The following DCTN3 variants were observed in gnomAD, a reference collection of about 807,000 sequenced individuals.
DCTN3 encodes the protein dynactin subunit 3.
In DCTN3, 25 loss-of-function variants were observed where a neutral mutation model predicts 28.4. That is an observed-to-expected ratio of 0.88 (90% CI 0.64 to 1.23). DCTN3 has a LOEUF of 1.23. DCTN3 is among the 50% of genes most tolerant of loss of function. DCTN3 has a pLI of 0.00. For missense variants in DCTN3, 229 were observed against 232.0 expected (o/e 0.99, Z 0.08); for synonymous variants, 81 against 91.4 (o/e 0.89, Z 0.65).
chr9:34,613,952 A>C, intron 6 of DCTN3, 81 bp from the exon 7 acceptor site: 3 of 1,612,386 alleles, frequency 1.9e-6, no homozygotes, highest in Non-Finnish European at 2.5e-6. Context: ...ATAGGTGGGT[A>C]GGATAGGATG....
Position 34,616,411 on chromosome 9 carries a change from GA to G in DCTN3, c.269-299del, listed in dbSNP as rs1820425609. 3.8e-6 allele frequency: 1 copy of G among 264,646 alleles called. No individual in the cohort carries two copies. The highest frequency in any genetic ancestry group is 2.2e-5 in the African/African-American group (1 of 44,782). The allele number at this position is 264,646 out of a possible 1,614,324, so 16.4% of individuals were successfully genotyped here. A position where few individuals can be genotyped will look rare whatever the true frequency, so the allele number is the denominator to read the frequency against. The stretch of plus-strand genomic sequence containing the variant: ...CTAGCCTCCTATCAACAAACTCAGG[GA>G]GCACCTCCTAGGCCACAAAATACAA... On this transcript the variant is annotated intron_variant, in intron 3 of 6. Transcript: ENST00000259632. This position sits in a 1 kb window ranked among gnomAD's most constrained non-coding sequence, Gnocchi z 4.7.
In DCTN3 at chr9:34,616,093, G is replaced by A; in HGVS notation, c.289C>T (p.Gln97Ter). ...ILAEEQFILSQVALLEQVNAL... is the reference protein window; with the variant it reads ...ILAEEQFILS ...TTCACCTGCTCCAGGAGTGCAACCT[G>A]GGAAAGGATAAACTGCTCCTCTAAA... Residue 97 changes from glutamine (Q) to a stop codon, truncating the protein, a stop_gained, in exon 4 of 7, where the codon CAG (glutamine) becomes TAG (stop). Transcript: ENST00000259632. LOFTEE classifies it high-confidence loss of function. This position sits in a 1 kb window ranked among gnomAD's most constrained non-coding sequence, Gnocchi z 4.7. 1 of 1,614,006 alleles carries A rather than the reference G, an allele frequency of 6.2e-7. No individual in the cohort carries two copies. The highest frequency in any genetic ancestry group is 1.1e-5 in the South Asian group (1 of 91,076).
intron 1 of DCTN3, 50 bp downstream of exon 1, chr9:34,620,319 G>T: frequency 6.5e-7 from 1 of 1,548,348 alleles, no homozygotes; most frequent in Non-Finnish European, 8.9e-7. Context: ...CAGGACAGTG[G>T]ACCGCTCTTG....
chr9:34,619,803 G>A (rs903294880), intron 1 of DCTN3, among the ~76,000 whole-genome samples: 8 of 152,280 alleles, frequency 5.3e-5, no homozygotes, highest in Middle Eastern at 3.4e-3. Context: ...AGAAAGGGGA[G>A]GAGAGGGCAC....
rs1820461715 is a variant in DCTN3 at position 34,617,964 on chromosome 9, A to G, written c.189T>C (p.Asp63=). 2 of 1,612,740 alleles carry G rather than the reference A, an allele frequency of 1.2e-6. No homozygotes were observed. Among genetic ancestry groups the G allele is most frequent in the Non-Finnish European group, 1.7e-6 (2 of 1,178,846 alleles). Residue 63 remains aspartate (D), a synonymous_variant, in exon 3 of 7, where the codon GAT becomes GAC. Coordinates refer to ENST00000259632, the MANE Select transcript of DCTN3 (RefSeq NM_007234.5). ...RVKILYKKIE[D]LIKYLDPEYI... ...ACTCAGGATCCAGGTACTTGATCAG[A>G]TCTTCAACTAGAAAAGTAGCAAGAT...
At position 34,616,497 on chromosome 9, in the gene DCTN3, G is replaced by A. The variant is rs1228689601; in HGVS notation, c.269-384C>T. 1 of 181,538 alleles carries A rather than the reference G, an allele frequency of 5.5e-6. No individual in the cohort carries two copies. Among genetic ancestry groups the A allele is most frequent in the African/African-American group, 2.4e-5 (1 of 42,216 alleles). The allele number at this position is 181,538 out of a possible 1,614,324, so 11.2% of individuals were successfully genotyped here. On this transcript the variant is annotated intron_variant, in intron 3 of 6. Coordinates refer to ENST00000259632, the MANE Select transcript of DCTN3 (RefSeq NM_007234.5). The surrounding 1 kb of genome is among the most constrained non-coding windows in gnomAD (Gnocchi z 4.7). ...CCCCAGGAAGGTCTAAAAGAGATAT[G>A]TGGCAGACTACGCCAGGCAGGTTCT...
In DCTN3 at chr9:34,620,441, C is replaced by T. The variant is rs760722293; in HGVS notation, c.24G>A (p.Gln8=). Residue 8 remains glutamine, a synonymous_variant, in exon 1 of 7, where the codon CAG becomes CAA. Coordinates refer to ENST00000259632, the MANE Select transcript of DCTN3 (RefSeq NM_007234.5). Reference sequence around the variant, plus strand: ...GCTCTTCCACTCGGGCCTGTAGCCGCTGCAAGTCAGTCAGACCCGCCATCG... The same window carrying T: ...GCTCTTCCACTCGGGCCTGTAGCCGTTGCAAGTCAGTCAGACCCGCCATCG... MAGLTDL[Q]RLQARVEELE... 6.4e-6 allele frequency: 10 copies of T among 1,555,738 alleles called. No individual in the cohort carries two copies. Among genetic ancestry groups the T allele is most frequent in the Non-Finnish European group, 8.7e-6 (10 of 1,150,424 alleles).
intron 2 of DCTN3, among the ~76,000 whole-genome samples, chr9:34,618,407 C>T (rs1367167979): frequency 6.6e-6 from 1 of 152,198 alleles, no homozygotes; most frequent in African/African-American, 2.4e-5. Context: ...AAATCCCATA[C>T]CCTTTTTACC....
intron 4 of DCTN3, chr9:34,615,262 G>A (rs951152903): frequency 6.4e-6 from 1 of 155,614 alleles, no homozygotes; most frequent in Non-Finnish European, 1.4e-5. Flanking sequence ...GGGTAGGGAG[G>A]GGGAGCTGGG....
Position 34,616,184 on chromosome 9 carries a change from C to A in DCTN3, c.269-71G>T. The A allele has an allele frequency of 8.3e-7, 1 of 1,198,990 alleles. No individual in the cohort carries two copies. The allele number at this position is 1,198,990 out of a possible 1,614,324, so 74.3% of individuals were successfully genotyped here. The stretch of plus-strand genomic sequence containing the variant: ...CATTGCTAATCAGCCCATGTAAGGG[C>A]CTGAGGACCTGGCAAGGGAGATGGC... On this transcript the variant is annotated intron_variant, in intron 3 of 6. Coordinates refer to ENST00000259632, the MANE Select transcript of DCTN3 (RefSeq NM_007234.5). The surrounding 1 kb of genome is among the most constrained non-coding windows in gnomAD (Gnocchi z 4.7).
In DCTN3 at chr9:34,620,443, G is replaced by GC; in HGVS notation, c.21dup (p.Gln8AlafsTer28). ...TCTTCCACTCGGGCCTGTAGCCGCT[G>GC]CAAGTCAGTCAGACCCGCCATCGCT... On this transcript the variant is annotated frameshift_variant, in exon 1 of 7. Coordinates refer to ENST00000259632, the MANE Select transcript of DCTN3 (RefSeq NM_007234.5). LOFTEE classifies it high-confidence loss of function. 1.9e-6 allele frequency: 3 copies of GC among 1,555,010 alleles called. No individual in the cohort carries two copies. Among genetic ancestry groups the GC allele is most frequent in the Non-Finnish European group, 2.6e-6 (3 of 1,150,018 alleles).
intron 1 of DCTN3, among the ~76,000 whole-genome samples, chr9:34,619,195 G>A (rs1046590349): frequency 6.6e-6 from 1 of 152,096 alleles, no homozygotes; most frequent in Admixed American, 6.6e-5. Flanking sequence ...TCCCAATGAT[G>A]GTGCAATCAC....
intron 2 of DCTN3, among the ~76,000 whole-genome samples, chr9:34,618,279 A>G (rs543592273): frequency 6.6e-6 from 1 of 152,064 alleles, no homozygotes; most frequent in East Asian, 1.9e-4. Flanking sequence ...TTTCTCCTAG[A>G]TGTCACCGAG....
intron 2 of DCTN3, 82 bp from the exon 3 acceptor site, chr9:34,618,053 G>A: frequency 7.2e-7 from 1 of 1,396,104 alleles, no homozygotes; most frequent in Non-Finnish European, 9.8e-7. Context: ...CAAGTGGTCA[G>A]CCTTGAGGAG....
chr9:34,619,108 T>C (rs1018576353), intron 1 of DCTN3, among the ~76,000 whole-genome samples: 1 of 152,224 alleles, frequency 6.6e-6, no homozygotes, highest in Non-Finnish European at 1.5e-5. Flanking sequence ...GACCTCTAGA[T>C]TGGCTGGCCT....
chr9:34,613,989 G>T, intron 6 of DCTN3, 53 bp downstream of exon 6: 10 of 1,606,162 alleles, frequency 6.2e-6, no homozygotes, highest in Middle Eastern at 1.7e-4. Flanking sequence ...GGAACAAAAG[G>T]ACAGGGCTTA....
chr9:34,616,621 C>T lies in DCTN3; in HGVS notation c.269-508G>A, dbSNP rs575294292. On this transcript the variant is annotated intron_variant, in intron 3 of 6. Transcript: ENST00000259632. The surrounding 1 kb of genome is among the most constrained non-coding windows in gnomAD (Gnocchi z 4.7). Reference sequence around the variant, plus strand: ...AGGAGAGCAGGATCTGGGCTAGGCCCTGTATGCACACGGGATTTCAATGCA... The same window carrying T: ...AGGAGAGCAGGATCTGGGCTAGGCCTTGTATGCACACGGGATTTCAATGCA... 2.0e-5 allele frequency: 3 copies of T among 153,560 alleles called. No homozygotes were observed. The highest frequency in any genetic ancestry group is 7.2e-5 in the African/African-American group (3 of 41,560). The allele number at this position is 153,560 out of a possible 1,614,324, so 9.5% of individuals were successfully genotyped here. A position where few individuals can be genotyped will look rare whatever the true frequency, so the allele number is the denominator to read the frequency against.
chr9:34,620,035 T>C (rs1321226164), intron 1 of DCTN3, among the ~76,000 whole-genome samples: 1 of 152,218 alleles, frequency 6.6e-6, no homozygotes, highest in Non-Finnish European at 1.5e-5. Context: ...CAGGGCTCTA[T>C]GACGGGCCTT....
At chr9:34,620,012 G>A (rs932193995) in intron 1 of DCTN3, among the ~76,000 whole-genome samples, 1 of 152,136 alleles carries the variant, frequency 6.6e-6, no homozygotes. Flanking sequence ...AATTCATTTA[G>A]CAATTAATTA....
Sources: allele counts gnomAD v4.1 joint callset (sites outside exome capture counted in the v4.1 genomes callset), GRCh38; gene constraint gnomAD v4.1.1; non-coding constraint Gnocchi (gnomAD v3.1); transcripts MANE v1.5; gene names NCBI Gene and HGNC (gene_info 2026-07-23, HGNC 2026-07-21).